LYRM4: variants seen among roughly 807,000 people sequenced by gnomAD.
The protein encoded by LYRM4 is LYR motif-containing protein 4.
A neutral mutation model predicts 11.7 loss-of-function variants in LYRM4; 9 were observed. The observed-to-expected ratio is 0.77, with a 90% confidence interval of 0.46 to 1.34. LYRM4 has a LOEUF of 1.34. Among genes scored for constraint, LYRM4 ranks in the 40% most tolerant of loss-of-function variants. The pLI, the probability that LYRM4 is intolerant of heterozygous loss-of-function variation, is 0.00. For missense variants in LYRM4, 133 were observed against 112.5 expected (o/e 1.18, Z -0.82); for synonymous variants, 42 against 40.4 (o/e 1.04, Z -0.15).
chr6:5,120,127 C>T (rs961760195), intron 2 of LYRM4, among the ~76,000 whole-genome samples: 1 of 152,084 alleles, frequency 6.6e-6, no homozygotes. Flanking sequence ...CATCTCCTGA[C>T]CTCGGGATCC....
the LYRM4 span, among the ~76,000 whole-genome samples, chr6:5,098,507 T>C: frequency 6.6e-6 from 1 of 152,234 alleles, no homozygotes; most frequent in Non-Finnish European, 1.5e-5. Flanking sequence ...TGTTTGGCAG[T>C]ATCTCCTGAA....
chr6:5,185,393 G>C (rs1021525313), intron 2 of LYRM4, among the ~76,000 whole-genome samples: 1 of 152,204 alleles, frequency 6.6e-6, no homozygotes, highest in South Asian at 2.1e-4. Flanking sequence ...TTCTGCTAGA[G>C]CATAAGCTTC....
intron 1 of LYRM4, among the ~76,000 whole-genome samples, chr6:5,227,018 T>C (rs2127737327): frequency 6.6e-6 from 1 of 152,258 alleles, no homozygotes; most frequent in East Asian, 1.9e-4. Context: ...AATTAAACCC[T>C]GGTGAAAAGA....
At chr6:5,110,382 G>T (rs575836715) in intron 2 of LYRM4, among the ~76,000 whole-genome samples, 6 of 150,056 alleles carry the variant, frequency 4.0e-5, no homozygotes, top group African/African-American at 1.2e-4. Flanking sequence ...TGAAGGCCCC[G>T]GACAGAAGGC....
the LYRM4 span, among the ~76,000 whole-genome samples, chr6:5,059,618 G>C: frequency 3.9e-5 from 6 of 152,068 alleles, no homozygotes; most frequent in African/African-American, 1.4e-4. Flanking sequence ...TTGTCCCCAG[G>C]CCATTGTATG....
At chr6:5,199,890 A>G (rs1401108672) in intron 2 of LYRM4, among the ~76,000 whole-genome samples, 1 of 152,214 alleles carries the variant, frequency 6.6e-6, no homozygotes, top group African/African-American at 2.4e-5. Context: ...AGGTGCTATA[A>G]GAGAGTTGAT....
chr6:5,086,100 G>C, the LYRM4 span: 1 of 1,465,636 alleles, frequency 6.8e-7, no homozygotes, highest in African/African-American at 1.5e-5. Context: ...AGCTCCCGGG[G>C]CCGAGCGCCG....
At chr6:5,219,607 G>C (rs1327136204) in intron 1 of LYRM4, among the ~76,000 whole-genome samples, 1 of 152,036 alleles carries the variant, frequency 6.6e-6, no homozygotes, top group Non-Finnish European at 1.5e-5. Flanking sequence ...ACAGCTTTGT[G>C]AAAGTCATCA....
intron 2 of LYRM4, among the ~76,000 whole-genome samples, chr6:5,186,007 G>T (rs186576432): frequency 5.9e-5 from 9 of 152,296 alleles, no homozygotes; most frequent in Admixed American, 5.9e-4. Flanking sequence ...GGTCAAACTG[G>T]ACAAAGGCAC....
At chr6:5,122,367 G>A (rs1342526383) in intron 2 of LYRM4, among the ~76,000 whole-genome samples, 1 of 152,106 alleles carries the variant, frequency 6.6e-6, no homozygotes, top group Non-Finnish European at 1.5e-5. Flanking sequence ...CCAGAGCAAC[G>A]AACACAGCAG....
the LYRM4 span, among the ~76,000 whole-genome samples, chr6:5,050,651 G>GT: frequency 0.012 from 1,825 of 152,164 alleles, 42 homozygotes; most frequent in African/African-American, 0.041. Flanking sequence ...CTAGGGAAAG[G>GT]TGCAGGCTCA....
At chr6:5,079,435 C>T in the LYRM4 span, among the ~76,000 whole-genome samples, 6,502 of 152,278 alleles carry the variant, frequency 0.043, 321 homozygotes, top group African/African-American at 0.13. Context: ...AAGGGGAAGT[C>T]TGAGAGGTCT....
intron 2 of LYRM4, among the ~76,000 whole-genome samples, chr6:5,160,694 C>A (rs910859988): frequency 2.6e-5 from 4 of 151,650 alleles, no homozygotes; most frequent in African/African-American, 9.7e-5. Flanking sequence ...CATTAAACCT[C>A]TTTTTCTTAG....
chr6:5,082,403 T>A, the LYRM4 span, among the ~76,000 whole-genome samples: 5 of 152,074 alleles, frequency 3.3e-5, no homozygotes, highest in Admixed American at 6.5e-5. Context: ...CTCCCTCTAT[T>A]CCTCTTCTGG....
rs1300693329 is a variant in LYRM4, at chr6:5,108,474, C to A, written c.*949G>T. 3.1e-6 allele frequency: 3 copies of A among 970,738 alleles called. No individual in the cohort carries two copies. The East Asian group carries it at 3.4e-4, about 111-fold the overall frequency. The allele number at this position is 970,738 out of a possible 1,614,324, so 60.1% of individuals were successfully genotyped here. A position where few individuals can be genotyped will look rare whatever the true frequency, so the allele number is the denominator to read the frequency against. On this transcript the variant is annotated 3_prime_UTR_variant, in exon 3 of 3. Transcript: ENST00000330636. ...TGTAATATACTTAAAGAGCAGGGGTCCCCAGTTGGTTAAACATTGAAAACA... is the reference window on the plus strand; with the variant it reads ...TGTAATATACTTAAAGAGCAGGGGTACCCAGTTGGTTAAACATTGAAAACA...
intron 1 of LYRM4, among the ~76,000 whole-genome samples, chr6:5,254,017 A>T (rs1450314197): frequency 6.6e-6 from 1 of 152,168 alleles, no homozygotes; most frequent in Non-Finnish European, 1.5e-5. Flanking sequence ...ACTTGCATCA[A>T]AAAAAGGTCA....
At chr6:5,086,289 G>C in the LYRM4 span, 4 of 1,535,516 alleles carry the variant, frequency 2.6e-6, no homozygotes, top group Non-Finnish European at 3.5e-6. Context: ...CTGAGCTGCA[G>C]CCCGAGCCGC....
chr6:5,040,352 G>GATAGATAGATAGATACATACATAC, the LYRM4 span, among the ~76,000 whole-genome samples: 1 of 130,120 alleles, frequency 7.7e-6, no homozygotes, highest in African/African-American at 3.4e-5. Context: ...TAGATAGATA[G>GATAGATAGATAGATACATACATAC]ATACATACAT....
rs7774675 is a variant in LYRM4, at chr6:5,114,170, T to C, written c.208-4679A>G. ...CCCTCCAGTTTGTCTCCGTTCTGCC[T>C]GGAATATGAACTTGATAGCTGGAAC... On this transcript the variant is annotated intron_variant, in intron 2 of 2. Transcript: ENST00000330636. Among the ~76,000 whole-genome samples the C allele has an allele frequency of 3.6e-3, 548 of 152,296 alleles. 2 individuals are homozygous for C. Among genetic ancestry groups the C allele is most frequent in the African/African-American group, 0.013 (530 of 41,578 alleles).
Sources: allele counts gnomAD v4.1 joint callset (sites outside exome capture counted in the v4.1 genomes callset), GRCh38; gene constraint gnomAD v4.1.1; transcripts MANE v1.5; gene names NCBI Gene and HGNC (gene_info 2026-07-23, HGNC 2026-07-21).